Variants in PTPRD observed in about 807,000 individuals in gnomAD.
PTPRD encodes the protein protein tyrosine phosphatase receptor type D.
Under a neutral mutation model 214.5 loss-of-function variants are expected in PTPRD, and 34 were observed. The observed-to-expected ratio is 0.16, with a 90% CI of 0.12 to 0.21. The LOEUF (loss-of-function observed/expected upper bound fraction) is 0.21, where lower values mean the gene tolerates loss of function less well. Among genes scored for constraint, PTPRD ranks in the 10% least tolerant of loss-of-function variants. The probability of loss-of-function intolerance (pLI) is 1.00; values close to 1 mark genes in which losing one functional copy is unlikely to be tolerated. For synonymous variants in PTPRD, 1,128 were observed against 845.7 expected, an observed-to-expected ratio of 1.33 and a Z score of -5.79; for missense variants, 2,545 against 2,398.7, an observed-to-expected ratio of 1.06 and a Z score of -1.27.
intron 3 of PTPRD, among the ~76,000 whole-genome samples, chr9:10,278,480 C>T (rs964381472): frequency 6.6e-6 from 1 of 152,124 alleles, no homozygotes; most frequent in African/African-American, 2.4e-5. Context: ...CTTCTGGCTT[C>T]ATCTAATTTG....
At chr9:9,236,766 G>A (rs1450879120) in intron 9 of PTPRD, among the ~76,000 whole-genome samples, 1 of 151,734 alleles carries the variant, frequency 6.6e-6, no homozygotes, top group Non-Finnish European at 1.5e-5. Flanking sequence ...TTTGTGTGCA[G>A]GCAGCCAACC....
chr9:10,230,053 C>T (rs113555115), intron 3 of PTPRD, among the ~76,000 whole-genome samples: 6 of 151,946 alleles, frequency 3.9e-5, no homozygotes, highest in Non-Finnish European at 8.8e-5. Context: ...TAATACCTTT[C>T]ATGTATAAGC....
At chr9:9,331,461 A>C (rs2042289248) in intron 9 of PTPRD, among the ~76,000 whole-genome samples, 1 of 152,086 alleles carries the variant, frequency 6.6e-6, no homozygotes, top group Non-Finnish European at 1.5e-5. Context: ...TATCAATTGA[A>C]ACTGGAGGAG....
intron 10 of PTPRD, among the ~76,000 whole-genome samples, chr9:9,041,778 C>A (rs779358008): frequency 1.3e-5 from 2 of 152,162 alleles, no homozygotes; most frequent in Non-Finnish European, 2.9e-5. Context: ...ATCTTAGAAA[C>A]GTCCAGTGAC....
At chr9:8,766,231 T>G (rs899699472) in intron 11 of PTPRD, among the ~76,000 whole-genome samples, 35 of 151,890 alleles carry the variant, frequency 2.3e-4, no homozygotes, top group African/African-American at 8.5e-4. Context: ...CCACTGTCTT[T>G]GTGGAGTGTG....
intron 3 of PTPRD, among the ~76,000 whole-genome samples, chr9:10,057,948 T>A (rs940749772): frequency 6.6e-6 from 1 of 151,948 alleles, no homozygotes; most frequent in East Asian, 1.9e-4. Flanking sequence ...TAAATAAGAA[T>A]GACTTTAGTC....
intron 10 of PTPRD, among the ~76,000 whole-genome samples, chr9:9,053,559 T>C (rs903710900): frequency 2.0e-5 from 3 of 152,280 alleles, no homozygotes; most frequent in Non-Finnish European, 4.4e-5. Flanking sequence ...GATCCTACCA[T>C]AGAGCCTTCA....
chr9:9,922,754 A>G (rs1310311128), intron 5 of PTPRD, among the ~76,000 whole-genome samples: 1 of 151,580 alleles, frequency 6.6e-6, no homozygotes, highest in Non-Finnish European at 1.5e-5. Context: ...AGAACATTCT[A>G]TTAAAAACAG....
In PTPRD at chr9:8,404,560, C is replaced by T. The variant is rs781289256; in HGVS notation, c.4187G>A (p.Arg1396Gln). Reference sequence around the variant, plus strand: ...ACCTTCTATAGCTGATAGGAGAACCCGGGAATGATCATATGCGATTACATT... The same window carrying T: ...ACCTTCTATAGCTGATAGGAGAACCTGGGAATGATCATATGCGATTACATT... ...YANVIAYDHS[R>Q]VLLSAIEGIP... is the part of the protein sequence containing the mutation. The change falls in exon 36 of 46, where the codon CGG becomes CAG. Residue 1396 changes from arginine to glutamine, a missense_variant. By Grantham distance (43) the Arg-to-Gln change is conservative. Coordinates refer to ENST00000381196, the MANE Select transcript of PTPRD (RefSeq NM_002839.4). 85 of 1,612,630 alleles carry T rather than the reference C, an allele frequency of 5.3e-5. No individual in the cohort carries two copies. Among genetic ancestry groups the T allele is most frequent in the Non-Finnish European group, 6.6e-5 (78 of 1,179,018 alleles).
intron 8 of PTPRD, among the ~76,000 whole-genome samples, chr9:9,563,266 C>A (rs986965159): frequency 6.6e-6 from 1 of 152,020 alleles, no homozygotes; most frequent in Non-Finnish European, 1.5e-5. Context: ...GGCTTAGGTG[C>A]GCTGTGCAAA....
At chr9:9,276,547 C>T (rs202064744) in intron 9 of PTPRD, among the ~76,000 whole-genome samples, 2 of 151,296 alleles carry the variant, frequency 1.3e-5, no homozygotes, top group East Asian at 2.0e-4. Context: ...CTTGTATCAT[C>T]GTCCTCAGTC....
At chr9:10,127,249 G>T (rs768811063) in intron 3 of PTPRD, among the ~76,000 whole-genome samples, 1 of 152,078 alleles carries the variant, frequency 6.6e-6, no homozygotes, top group Non-Finnish European at 1.5e-5. Flanking sequence ...TGGCACACAA[G>T]ACCAATGTCC....
intron 9 of PTPRD, among the ~76,000 whole-genome samples, chr9:9,395,096 C>T (rs1328643284): frequency 1.3e-5 from 2 of 151,772 alleles, no homozygotes; most frequent in Non-Finnish European, 2.9e-5. Flanking sequence ...TGGATGTCTC[C>T]TCTCTCCTTT....
intron 7 of PTPRD, among the ~76,000 whole-genome samples, chr9:9,586,662 C>T (rs16929826): frequency 0.021 from 3,226 of 151,952 alleles, 120 homozygotes; most frequent in African/African-American, 0.073. Context: ...CTTTTCGCTA[C>T]CATTTATGCT....
chr9:8,349,470 T>G (rs1290118494), intron 39 of PTPRD, among the ~76,000 whole-genome samples: 1 of 152,184 alleles, frequency 6.6e-6, no homozygotes, highest in Non-Finnish European at 1.5e-5. Flanking sequence ...GCATTTTTCT[T>G]TGATCCTGAA....
intron 14 of PTPRD, among the ~76,000 whole-genome samples, chr9:8,632,328 C>T (rs998263352): frequency 6.6e-6 from 1 of 151,778 alleles, no homozygotes; most frequent in African/African-American, 2.4e-5. Context: ...AAAGTAAAAC[C>T]ATCCCTCCAT....
At chr9:8,511,650 A>G (rs1563960236) in intron 21 of PTPRD, among the ~76,000 whole-genome samples, 1 of 152,128 alleles carries the variant, frequency 6.6e-6, no homozygotes, top group Non-Finnish European at 1.5e-5. Context: ...GAGAGATATG[A>G]TATTGACCAT....
At chr9:9,695,839 G>A (rs1048084600) in intron 7 of PTPRD, among the ~76,000 whole-genome samples, 1 of 152,090 alleles carries the variant, frequency 6.6e-6, no homozygotes, top group Non-Finnish European at 1.5e-5. Flanking sequence ...GTGTTTATCA[G>A]GAATATTGAC....
intron 3 of PTPRD, among the ~76,000 whole-genome samples, chr9:10,183,788 C>A (rs150582859): frequency 8.5e-4 from 130 of 152,168 alleles, no homozygotes; most frequent in Middle Eastern, 3.4e-3. Flanking sequence ...CCAAGAAAAT[C>A]AAAGCCTTTT....
Sources: gnomAD v4.1 joint callset for allele counts (sites outside exome capture counted in the v4.1 genomes callset) on GRCh38, gnomAD v4.1.1 for gene constraint, MANE v1.5 for transcripts, NCBI Gene and HGNC (gene_info 2026-07-23, HGNC 2026-07-21) for gene names.